The following FZD3 variants were observed in gnomAD, a reference collection of about 807,000 sequenced individuals.
FZD3 encodes the protein frizzled class receptor 3.
FZD3 carries 30 observed loss-of-function variants against 60.7 expected under a neutral mutation model. The observed-to-expected ratio is 0.49, with a 90% CI of 0.37 to 0.67. The LOEUF (loss-of-function observed/expected upper bound fraction) is 0.67. Among genes scored for constraint, FZD3 ranks in the 30% least tolerant of loss-of-function variants. The probability of loss-of-function intolerance (pLI) is 0.00; values close to 1 mark genes in which losing one functional copy is unlikely to be tolerated. For synonymous variants in FZD3, 246 were observed against 275.2 expected (o/e 0.89, Z 1.05); for missense variants, 605 against 838.7 (o/e 0.72, Z 3.44).
intron 5 of FZD3, among the ~76,000 whole-genome samples, chr8:28,545,218 C>T (rs1033070387): frequency 6.6e-6 from 1 of 152,204 alleles, no homozygotes; most frequent in African/African-American, 2.4e-5. Flanking sequence ...AACCAGGGAG[C>T]CACATCTCTT....
At chr8:28,524,384 A>G (rs1309378363) in intron 4 of FZD3, among the ~76,000 whole-genome samples, 1 of 152,244 alleles carries the variant, frequency 6.6e-6, no homozygotes, top group Non-Finnish European at 1.5e-5. Flanking sequence ...CTGAAATTAC[A>G]GCAGTTGTAT....
At chr8:28,536,947 A>T (rs892234936) in intron 5 of FZD3, among the ~76,000 whole-genome samples, 2 of 152,188 alleles carry the variant, frequency 1.3e-5, no homozygotes, top group African/African-American at 4.8e-5. Flanking sequence ...GGAAATGGGT[A>T]TGTTTTACGC....
At chr8:28,529,890 C>T (rs1260998136) in intron 5 of FZD3, among the ~76,000 whole-genome samples, 1 of 152,034 alleles carries the variant, frequency 6.6e-6, no homozygotes, top group Admixed American at 6.6e-5. Flanking sequence ...TTATGCTTCC[C>T]CATGTCAGTT....
At chr8:28,516,428 A>C (rs1282282927) in intron 3 of FZD3, among the ~76,000 whole-genome samples, 4 of 152,200 alleles carry the variant, frequency 2.6e-5, no homozygotes, top group African/African-American at 9.7e-5. Flanking sequence ...CCATTTCTGC[A>C]ACAACAGAAG....
chr8:28,503,316 A>T (rs1363926166), intron 3 of FZD3, 114 bp downstream of exon 3: 1 of 548,146 alleles, frequency 1.8e-6, no homozygotes, highest in Non-Finnish European at 3.2e-6. Flanking sequence ...GCTATTTTAA[A>T]TTATATCTTA....
chr8:28,553,747 A>G (rs352225), intron 6 of FZD3, among the ~76,000 whole-genome samples: 152,288 of 152,312 alleles, frequency 1, 76,132 homozygotes, highest in Middle Eastern at 1. Context: ...TTATTCTGGC[A>G]TTCAAGAGCG....
chr8:28,527,055 G>T lies in FZD3; in HGVS notation c.387-92G>T, dbSNP rs1804731630. The T allele has an allele frequency of 6.9e-6, 7 of 1,018,702 alleles. No homozygotes were observed. Among genetic ancestry groups the T allele is most frequent in the Non-Finnish European group, 1.0e-5 (7 of 684,242 alleles). 63.1% of individuals were successfully genotyped at this position (1,018,702 alleles called of 1,614,324 possible). On this transcript the variant is annotated intron_variant, in intron 4 of 7. Coordinates refer to ENST00000240093, the MANE Select transcript of FZD3 (RefSeq NM_017412.4). The surrounding 1 kb of genome is among the most constrained non-coding windows in gnomAD (Gnocchi z 5.0). ...CATTTGCTCTCCAGGAATAAATAAG[G>T]TTGTGAGTGCCAGATTTGGAAATCC...
chr8:28,512,851 A>T (rs1292554040), intron 3 of FZD3, among the ~76,000 whole-genome samples: 1 of 152,128 alleles, frequency 6.6e-6, no homozygotes, highest in African/African-American at 2.4e-5. Flanking sequence ...ATTTTAAGAG[A>T]ATAGTATAAT....
In FZD3 at chr8:28,564,605, AGTT is replaced by A. The variant is rs1458608689; in HGVS notation, c.*1598_*1600del. 2 of 152,132 alleles carry A rather than the reference AGTT, an allele frequency of 1.3e-5. No homozygotes were observed. The highest frequency in any genetic ancestry group is 2.9e-5 in the Non-Finnish European group (2 of 68,032). 9.4% of individuals were successfully genotyped at this position (152,132 alleles called of 1,614,324 possible). A position where few individuals can be genotyped will look rare whatever the true frequency, so the allele number is the denominator to read the frequency against. ...GCTTTTATATCATTATCTAATATTC[AGTT>A]GTTCTGCACCTGATGCCAAATTCTG... On this transcript the variant is annotated 3_prime_UTR_variant, in exon 8 of 8. Transcript: ENST00000240093.
chr8:28,496,808 C>T (rs1803856627), intron 1 of FZD3, among the ~76,000 whole-genome samples: 1 of 152,158 alleles, frequency 6.6e-6, no homozygotes, highest in East Asian at 1.9e-4. Flanking sequence ...TGTAACTAGG[C>T]TATTGGGCCT....
chr8:28,535,640 A>G (rs146933726), intron 5 of FZD3, among the ~76,000 whole-genome samples: 1,768 of 152,298 alleles, frequency 0.012, 17 homozygotes, highest in Non-Finnish European at 0.019. Flanking sequence ...ATAATACTTG[A>G]AAAGTAGTAT....
intron 5 of FZD3, among the ~76,000 whole-genome samples, chr8:28,546,437 CATT>C (rs1415159255): frequency 3.3e-5 from 5 of 152,122 alleles, no homozygotes; most frequent in Middle Eastern, 3.2e-3. Context: ...TTTTCATTTA[CATT>C]ATTATTGTTT....
chr8:28,502,980 C>T lies in FZD3; in HGVS notation c.-34C>T, dbSNP rs776039594. The T allele has an allele frequency of 1.2e-5, 18 of 1,478,970 alleles. No homozygotes were observed. Among genetic ancestry groups the T allele is most frequent in the East Asian group, 2.3e-5 (1 of 44,008 alleles). The allele number at this position is 1,478,970 out of a possible 1,614,324, so 91.6% of individuals were successfully genotyped here. A position where few individuals can be genotyped will look rare whatever the true frequency, so the allele number is the denominator to read the frequency against. ...TATCTAAAATACATATTGAATAGGC[C>T]TGATCATCTGAATCTCCTTCAGACC... On this transcript the variant is annotated 5_prime_UTR_variant, in exon 3 of 8. Transcript: ENST00000240093.
intron 5 of FZD3, among the ~76,000 whole-genome samples, chr8:28,529,476 A>G (rs1049047058): frequency 2.0e-5 from 3 of 152,158 alleles, no homozygotes; most frequent in African/African-American, 7.2e-5. Flanking sequence ...TTTTAAAGAC[A>G]TTCTGTAGAT....
chr8:28,546,125 C>T (rs557877079), intron 5 of FZD3, among the ~76,000 whole-genome samples: 11 of 152,326 alleles, frequency 7.2e-5, no homozygotes, highest in East Asian at 1.9e-4. Context: ...CTCTGATATT[C>T]GCGCAATGAC....
intron 3 of FZD3, among the ~76,000 whole-genome samples, chr8:28,506,384 T>C (rs1804141577): frequency 6.6e-6 from 1 of 152,210 alleles, no homozygotes; most frequent in Admixed American, 6.6e-5. Context: ...ATAGGGTTAT[T>C]GTTAAGATCA....
Position 28,527,091 on chromosome 8 carries a change from A to C in FZD3, c.387-56A>C. 6.9e-7 allele frequency: 1 copy of C among 1,445,078 alleles called. No individual in the cohort carries two copies. The highest frequency in any genetic ancestry group is 9.4e-7 in the Non-Finnish European group (1 of 1,060,076). 89.5% of individuals were successfully genotyped at this position (1,445,078 alleles called of 1,614,324 possible). Reference sequence around the variant, plus strand: ...CAGATTTGGAAATCCAAACTGTTAGATCGTGATAGATTTCCCCATAAGTAA... The same window carrying C: ...CAGATTTGGAAATCCAAACTGTTAGCTCGTGATAGATTTCCCCATAAGTAA... On this transcript the variant is annotated intron_variant, in intron 4 of 7. Transcript: ENST00000240093. The surrounding 1 kb of genome is among the most constrained non-coding windows in gnomAD (Gnocchi z 5.0).
At position 28,562,792 on chromosome 8, in the gene FZD3, T is replaced by C. The variant is rs368554222; in HGVS notation, c.1788-6T>C. On this transcript the variant is annotated splice_polypyrimidine_tract_variant and splice_region_variant and intron_variant, in intron 7 of 7. Coordinates refer to ENST00000240093, the MANE Select transcript of FZD3 (RefSeq NM_017412.4). ...TTACCCACTTCAAAATAAACTCTCATGACAGGTACACGCCCTGCAGTTACA... is the reference window on the plus strand; with the variant it reads ...TTACCCACTTCAAAATAAACTCTCACGACAGGTACACGCCCTGCAGTTACA... 1 of 1,569,740 alleles carries C rather than the reference T, an allele frequency of 6.4e-7. No homozygotes were observed. The highest frequency in any genetic ancestry group is 8.7e-7 in the Non-Finnish European group (1 of 1,144,778).
At chr8:28,539,456 A>G (rs897077217) in intron 5 of FZD3, among the ~76,000 whole-genome samples, 5 of 152,220 alleles carry the variant, frequency 3.3e-5, no homozygotes, top group African/African-American at 1.2e-4. Flanking sequence ...CTATAACATA[A>G]TAAGCCGTTA....
Sources: gnomAD v4.1 joint callset for allele counts (sites outside exome capture counted in the v4.1 genomes callset) on GRCh38, gnomAD v4.1.1 for gene constraint, Gnocchi (gnomAD v3.1) non-coding constraint, MANE v1.5 for transcripts, NCBI Gene and HGNC (gene_info 2026-07-23, HGNC 2026-07-21) for gene names.